The following TMTC2 variants were observed in gnomAD, a reference collection of about 807,000 sequenced individuals.
The protein encoded by TMTC2 is protein O-mannosyl-transferase TMTC2.
In TMTC2, 43 loss-of-function variants were observed where a neutral mutation model predicts 82.4. The observed-to-expected ratio is 0.52, with a 90% confidence interval of 0.41 to 0.67. The LOEUF is 0.67. Ranked by LOEUF, TMTC2 falls within the 30% of genes least tolerant of loss-of-function variation. The probability of loss-of-function intolerance (pLI) is 0.00; values close to 1 mark genes in which losing one functional copy is unlikely to be tolerated. For missense variants in TMTC2, 919 were observed against 1,012.4 expected (o/e 0.91, Z 1.25); for synonymous variants, 408 against 381.9 (o/e 1.07, Z -0.80).
At chr12:83,074,148 C>A (rs1475022209) in intron 11 of TMTC2, among the ~76,000 whole-genome samples, 1 of 152,112 alleles carries the variant, frequency 6.6e-6, no homozygotes, top group East Asian at 1.9e-4. Context: ...TGTTCAGATT[C>A]TTTTGTACCA....
At chr12:82,843,802 G>T (rs1248203663) in intron 1 of TMTC2, among the ~76,000 whole-genome samples, 4 of 152,036 alleles carry the variant, frequency 2.6e-5, no homozygotes, top group South Asian at 4.2e-4. Context: ...ACAAAAATTA[G>T]ACGGGTCTGG....
intron 1 of TMTC2, among the ~76,000 whole-genome samples, chr12:82,699,677 G>A (rs756100079): frequency 3.3e-5 from 5 of 152,120 alleles, no homozygotes; most frequent in Non-Finnish European, 7.4e-5. Context: ...GGGTGGCAAC[G>A]TGTAATAAAT....
chr12:82,799,106 C>T lies in TMTC2; in HGVS notation c.84-57904C>T, dbSNP rs184523234. ...AATATTTTCATGTGAGAATTACTAC[C>T]AGGGAATTATCTGTAGCAGCTACCT... On this transcript the variant is annotated intron_variant, in intron 1 of 11. Coordinates refer to ENST00000321196, the MANE Select transcript of TMTC2 (RefSeq NM_152588.3). 1.5e-3 allele frequency among the ~76,000 whole-genome samples: 230 copies of T among 152,184 alleles called. 2 individuals are homozygous for T. Among genetic ancestry groups the T allele is most frequent in the African/African-American group, 5.3e-3 (219 of 41,532 alleles).
intron 1 of TMTC2, among the ~76,000 whole-genome samples, chr12:82,788,058 G>A (rs921962135): frequency 4.6e-5 from 7 of 151,984 alleles, no homozygotes; most frequent in Admixed American, 3.9e-4. Flanking sequence ...GTATTTTGGC[G>A]TGAGATGAGA....
intron 2 of TMTC2, among the ~76,000 whole-genome samples, chr12:82,876,060 GTGGTGGTGATGATGATGA>G (rs1483883192): frequency 1.7e-5 from 2 of 117,826 alleles, no homozygotes; most frequent in Non-Finnish European, 3.8e-5. Context: ...GGTGGTGGTG[GTGGTGGTGATGATGATGA>G]TGGTGATTAG....
At chr12:82,958,081 G>A (rs546424222) in intron 4 of TMTC2, among the ~76,000 whole-genome samples, 4 of 152,106 alleles carry the variant, frequency 2.6e-5, no homozygotes, top group Admixed American at 1.3e-4. Context: ...AAGAAAACCA[G>A]GCTGGGCACA....
intron 1 of TMTC2, among the ~76,000 whole-genome samples, chr12:82,842,101 G>A (rs1048463406): frequency 1.2e-4 from 18 of 152,200 alleles, no homozygotes; most frequent in African/African-American, 4.3e-4. Context: ...TGCTTTGAAG[G>A]TTAAATGGAG....
At chr12:82,693,364 T>C (rs940188631) in intron 1 of TMTC2, among the ~76,000 whole-genome samples, 2 of 152,204 alleles carry the variant, frequency 1.3e-5, no homozygotes, top group African/African-American at 4.8e-5. Context: ...TTATTTTGGG[T>C]CTGTACTTAC....
intron 4 of TMTC2, among the ~76,000 whole-genome samples, chr12:82,949,462 G>A (rs934134248): frequency 1.3e-5 from 2 of 152,136 alleles, no homozygotes; most frequent in Non-Finnish European, 2.9e-5. Flanking sequence ...ATGGGGAAAG[G>A]GGAAAAGTTG....
intron 2 of TMTC2, among the ~76,000 whole-genome samples, chr12:82,876,072 A>G (rs28650874): frequency 0.18 from 9,175 of 50,612 alleles, 763 homozygotes; most frequent in East Asian, 0.34. Flanking sequence ...GGTGGTGATG[A>G]TGATGATGGT....
At chr12:83,064,020 G>A (rs919946800) in intron 11 of TMTC2, among the ~76,000 whole-genome samples, 2 of 150,678 alleles carry the variant, frequency 1.3e-5, no homozygotes, top group African/African-American at 4.9e-5. Context: ...GCAGAGATCA[G>A]AGTTTTTCTT....
At chr12:82,989,653 A>G (rs996223813) in intron 8 of TMTC2, among the ~76,000 whole-genome samples, 5 of 151,850 alleles carry the variant, frequency 3.3e-5, no homozygotes, top group African/African-American at 1.2e-4. Flanking sequence ...CTCGATATAG[A>G]AACCATGTGA....
At chr12:82,966,748 G>C (rs913505575) in intron 6 of TMTC2, among the ~76,000 whole-genome samples, 171 bp from the exon 7 acceptor site, 2 of 152,050 alleles carry the variant, frequency 1.3e-5, no homozygotes, top group Non-Finnish European at 2.9e-5. Context: ...TTTCATTGGT[G>C]GAATTGAGAT....
rs1882023761 is a variant in TMTC2, at chr12:83,044,648, G to A, written c.2153-6256G>A. ...TTCAGATGATTCTGGACACATTTCT[G>A]TGATCAAATGTCATCTTCCAAGGAC... On this transcript the variant is annotated intron_variant, in intron 9 of 11. Coordinates refer to ENST00000321196, the MANE Select transcript of TMTC2 (RefSeq NM_152588.3). Among the ~76,000 whole-genome samples, 3 of 152,330 alleles carry A rather than the reference G, an allele frequency of 2.0e-5. No individual in the cohort carries two copies. In the Middle Eastern group the frequency reaches 0.01, roughly 518 times the overall value.
chr12:82,818,035 G>A (rs1592546700), intron 1 of TMTC2, among the ~76,000 whole-genome samples: 1 of 152,092 alleles, frequency 6.6e-6, no homozygotes, highest in South Asian at 2.1e-4. Flanking sequence ...TTTTAAGATG[G>A]GAGTAAAATC....
At chr12:83,120,394 C>A (rs1215068172) in intron 11 of TMTC2, among the ~76,000 whole-genome samples, 1 of 152,148 alleles carries the variant, frequency 6.6e-6, no homozygotes, top group East Asian at 1.9e-4. Context: ...AAGACTGTAT[C>A]TTTCCTTCAT....
intron 7 of TMTC2, among the ~76,000 whole-genome samples, chr12:82,974,487 T>C (rs1464952957): frequency 6.6e-6 from 1 of 152,178 alleles, no homozygotes; most frequent in Non-Finnish European, 1.5e-5. Context: ...TAATTTTGTG[T>C]GAAGGATACA....
chr12:82,749,949 G>T (rs1268688708), intron 1 of TMTC2, among the ~76,000 whole-genome samples: 1 of 151,964 alleles, frequency 6.6e-6, no homozygotes, highest in African/African-American at 2.4e-5. Flanking sequence ...TGTTGGTCAG[G>T]CTGGTCTTGA....
chr12:82,746,727 A>T lies in TMTC2; in HGVS notation c.83+59058A>T, dbSNP rs1047600884. ...TGGGCATGACCCAGATGGATAAGCA[A>T]ACCATTCAGAGAGTTTTCTCTAGCA... On this transcript the variant is annotated intron_variant, in intron 1 of 11. Coordinates refer to ENST00000321196, the MANE Select transcript of TMTC2 (RefSeq NM_152588.3). Among the ~76,000 whole-genome samples the T allele has an allele frequency of 2.0e-5, 3 of 152,182 alleles. No homozygotes were observed. The East Asian group carries it at 5.8e-4, about 29-fold the overall frequency.
Sources: gnomAD v4.1 joint callset for allele counts (sites outside exome capture counted in the v4.1 genomes callset) on GRCh38, gnomAD v4.1.1 for gene constraint, MANE v1.5 for transcripts, NCBI Gene and HGNC (gene_info 2026-07-23, HGNC 2026-07-21) for gene names.